The following ARHGEF3 variants were observed in gnomAD, a reference collection of about 807,000 sequenced individuals.
ARHGEF3 encodes 59.8 kDA protein.
A neutral mutation model predicts 63.2 loss-of-function variants in ARHGEF3; 28 were observed. That is an observed-to-expected ratio of 0.44 (90% CI 0.33 to 0.61). The LOEUF is 0.61. ARHGEF3 is among the 20% of genes least tolerant of loss of function. The pLI is 0.03. For synonymous variants in ARHGEF3, 266 were observed against 254.2 expected (o/e 1.05, Z -0.44); for missense variants, 533 against 659.3 (o/e 0.81, Z 2.10).
At chr3:56,809,881 C>T (rs576530808) in intron 4 of ARHGEF3, among the ~76,000 whole-genome samples, 52 of 152,142 alleles carry the variant, frequency 3.4e-4, no homozygotes, top group African/African-American at 1.1e-3. Flanking sequence ...TACAGATGTG[C>T]ACCACCATGC....
At chr3:56,930,679 G>A (rs1365926774) in intron 3 of ARHGEF3, among the ~76,000 whole-genome samples, 2 of 152,180 alleles carry the variant, frequency 1.3e-5, no homozygotes, top group Non-Finnish European at 2.9e-5. Flanking sequence ...AAGAAGTTCA[G>A]TGCCACTAAA....
intron 4 of ARHGEF3, among the ~76,000 whole-genome samples, chr3:56,843,960 T>A (rs1379781540): frequency 1.3e-5 from 2 of 152,188 alleles, no homozygotes; most frequent in East Asian, 3.9e-4. Context: ...CACAACTGTA[T>A]GGCCTTGGAC....
chr3:57,042,568 G>A (rs981435807), intron 1 of ARHGEF3, among the ~76,000 whole-genome samples: 11 of 147,920 alleles, frequency 7.4e-5, no homozygotes, highest in Non-Finnish European at 1.3e-4. Flanking sequence ...CAGAAAATGC[G>A]GCAAATCATG....
intron 3 of ARHGEF3, among the ~76,000 whole-genome samples, chr3:56,956,081 A>T (rs1480217434): frequency 1.3e-5 from 2 of 152,208 alleles, no homozygotes; most frequent in Non-Finnish European, 2.9e-5. Flanking sequence ...CAAATGGCCT[A>T]ATCACCTAAC....
At chr3:56,743,756 A>G (rs1489314835) in intron 7 of ARHGEF3, among the ~76,000 whole-genome samples, 1 of 149,498 alleles carries the variant, frequency 6.7e-6, no homozygotes, top group African/African-American at 2.6e-5. Flanking sequence ...TCCTTCTATT[A>G]TTGTCCCAGA....
intron 3 of ARHGEF3, among the ~76,000 whole-genome samples, chr3:56,922,953 A>G (rs2042179802): frequency 6.8e-6 from 1 of 146,840 alleles, no homozygotes; most frequent in African/African-American, 2.5e-5. Flanking sequence ...TGGGAAGCGT[A>G]GGCGGAAGGA....
rs1317432564 is a variant in ARHGEF3, at chr3:57,028,098, T to C, written c.62+6990A>G. On this transcript the variant is annotated intron_variant, in intron 2 of 12. Coordinates refer to the ARHGEF3 transcript ENST00000338458. Reference sequence around the variant, plus strand: ...AACACTTTTACACTGTTGGTGGGACTGTAAACTAGTTCAACCATTGTGGAA... The same window carrying C: ...AACACTTTTACACTGTTGGTGGGACCGTAAACTAGTTCAACCATTGTGGAA... Among the ~76,000 whole-genome samples, 85 of 150,974 alleles carry C rather than the reference T, an allele frequency of 5.6e-4. 1 individual carries two copies. The highest frequency in any genetic ancestry group is 7.5e-4 in the Non-Finnish European group (51 of 67,748).
chr3:56,813,398 T>C (rs2038144861), intron 4 of ARHGEF3, among the ~76,000 whole-genome samples: 1 of 152,212 alleles, frequency 6.6e-6, no homozygotes. Flanking sequence ...TTTTCTAGAA[T>C]GTTTTGAAAG....
chr3:56,795,526 A>G (rs1260559414), intron 1 of ARHGEF3, among the ~76,000 whole-genome samples: 1 of 152,174 alleles, frequency 6.6e-6, no homozygotes, highest in Non-Finnish European at 1.5e-5. Flanking sequence ...CCTTCTCTCA[A>G]AAGGACACAA....
intron 4 of ARHGEF3, among the ~76,000 whole-genome samples, chr3:56,814,531 G>A (rs1002224023): frequency 4.6e-5 from 7 of 152,182 alleles, no homozygotes; most frequent in African/African-American, 1.4e-4. Flanking sequence ...ATGGGGATAT[G>A]AGAGTTTCAA....
intron 3 of ARHGEF3, among the ~76,000 whole-genome samples, chr3:56,952,811 G>A (rs1699872094): frequency 6.6e-6 from 1 of 152,082 alleles, no homozygotes; most frequent in Admixed American, 6.5e-5. Flanking sequence ...TTAAAATAAA[G>A]TCGAAGAGAG....
exon 3 of ARHGEF3, chr3:56,958,859 G>T: frequency 6.4e-7 from 1 of 1,551,624 alleles, no homozygotes; most frequent in Non-Finnish European, 8.7e-7. Flanking sequence ...AGGGAAACAT[G>T]GGAAAGTTGT....
chr3:56,736,169 C>G (rs2033613366), intron 8 of ARHGEF3, among the ~76,000 whole-genome samples: 1 of 151,966 alleles, frequency 6.6e-6, no homozygotes, highest in South Asian at 2.1e-4. Flanking sequence ...TTCATCTTTC[C>G]TTTTAAACAA....
At chr3:56,967,593 A>G (rs1327815869) in intron 2 of ARHGEF3, among the ~76,000 whole-genome samples, 14 of 88,622 alleles carry the variant, frequency 1.6e-4, no homozygotes, top group Non-Finnish European at 2.7e-4. Flanking sequence ...AATATATTTA[A>G]TTATATATTA....
At chr3:56,852,904 C>T (rs188283453) in intron 4 of ARHGEF3, among the ~76,000 whole-genome samples, 4 of 152,156 alleles carry the variant, frequency 2.6e-5, no homozygotes, top group African/African-American at 7.2e-5. Context: ...CTTGTCTGCT[C>T]GATGGATGTA....
At chr3:57,037,901 C>CAAAACAAAAA (rs112097926) in intron 1 of ARHGEF3, among the ~76,000 whole-genome samples, 5 of 151,850 alleles carry the variant, frequency 3.3e-5, no homozygotes, top group Admixed American at 6.6e-5. Context: ...CAAAACAAAA[C>CAAAACAAAAA]AAAACCCATC....
chr3:56,843,927 T>C (rs1378328971), intron 4 of ARHGEF3, among the ~76,000 whole-genome samples: 2 of 152,144 alleles, frequency 1.3e-5, no homozygotes, highest in East Asian at 3.8e-4. Context: ...TAACAGGACA[T>C]AAAATCAGGC....
At chr3:56,919,205 G>T in intron 3 of ARHGEF3, among the ~76,000 whole-genome samples, 1 of 152,176 alleles carries the variant, frequency 6.6e-6, no homozygotes, top group Non-Finnish European at 1.5e-5. Flanking sequence ...AGGGTTTTAT[G>T]TAAAATCTCT....
intron 4 of ARHGEF3, among the ~76,000 whole-genome samples, chr3:56,808,793 T>C (rs2037959863): frequency 6.6e-6 from 1 of 152,166 alleles, no homozygotes; most frequent in Non-Finnish European, 1.5e-5. Flanking sequence ...TCTGGATGTA[T>C]TTTTGATTGA....
Sources: gnomAD v4.1 joint callset for allele counts (sites outside exome capture counted in the v4.1 genomes callset) on GRCh38, gnomAD v4.1.1 for gene constraint, MANE v1.5 for transcripts, NCBI Gene and HGNC (gene_info 2026-07-23, HGNC 2026-07-21) for gene names.